The following L3HYPDH variants were observed in gnomAD, a reference collection of about 807,000 sequenced individuals.
L3HYPDH encodes the protein trans-3-hydroxy-L-proline dehydratase.
Under a neutral mutation model 26.5 loss-of-function variants are expected in L3HYPDH, and 32 were observed. The ratio of observed to expected loss-of-function variants is 1.21; its 90% CI spans 0.91 to 1.62. The LOEUF is 1.62. Among genes scored for constraint, L3HYPDH ranks in the 40% most tolerant of loss-of-function variants. The pLI is 0.00. For missense variants in L3HYPDH, 554 were observed against 476.4 expected (o/e 1.16, Z -1.52); for synonymous variants, 215 against 196.6 (o/e 1.09, Z -0.78).
the L3HYPDH span, chr14:59,498,939 T>C: frequency 7.5e-7 from 1 of 1,339,778 alleles, no homozygotes; most frequent in Non-Finnish European, 1.0e-6. Context: ...CAATGAAATA[T>C]ATTTATTATT....
rs1057465899 is a variant in L3HYPDH, at chr14:59,484,061, G to T, written c.256C>A (p.Pro86Thr). The T allele has an allele frequency of 1.2e-6, 2 of 1,606,932 alleles. No individual in the cohort carries two copies. Among genetic ancestry groups the T allele is most frequent in the Admixed American group, 1.7e-5 (1 of 59,932 alleles). ...YGAVLVPSEL[P>T]DAHLGVLFLH... ...AACAGGACGCCCAGATGCGCGTCCG[G>T]CAGCTCGCTCGGGACTAGGACCGCC... The change falls in exon 1 of 5, where the codon CCG (proline) becomes ACG (threonine). Residue 86 changes from proline (P) to threonine (T), a missense_variant. Transcript: ENST00000247194.
At position 59,475,872 on chromosome 14, in the gene L3HYPDH, C is replaced by T; in HGVS notation, c.936G>A (p.Val312=). The T allele has an allele frequency of 6.2e-7, 1 of 1,611,760 alleles. No homozygotes were observed. The highest frequency in any genetic ancestry group is 8.5e-7 in the Non-Finnish European group (1 of 1,179,396). The change falls in exon 4 of 5, where the codon GTG becomes GTA. Residue 312 remains valine (V), a synonymous_variant. Coordinates refer to ENST00000247194, the MANE Select transcript of L3HYPDH (RefSeq NM_144581.2). ...ATGSVFTGKA[V]REAKCGDFKA... ...AGAAGCTAAGGGTGCCACTTACCCT[C>T]ACAGCTTTCCCTGTGAATACTGAGC...
rs763795470 is a variant in L3HYPDH, at chr14:59,472,982, C to T, written c.1048G>A (p.Gly350Arg). 2.5e-6 allele frequency: 4 copies of T among 1,597,958 alleles called. No individual in the cohort carries two copies. The African/African-American group carries it at 5.4e-5, about 22-fold the overall frequency. The change falls in exon 5 of 5, where the codon GGA becomes AGA. Residue 350 changes from glycine to arginine, a missense_variant. By Grantham distance (125) the Gly-to-Arg change is moderately radical (BLOSUM62 -2). Coordinates refer to ENST00000247194, the MANE Select transcript of L3HYPDH (RefSeq NM_144581.2). ...GGAAGAAGTCACTTGAGAAGAAATC[C>T]ATCCCTCAATGGGTCGTCATCTTCT... ...IIEDDDPLRD[G>R]FLLK
chr14:59,485,224 T>C, upstream of L3HYPDH: 1 of 1,209,886 alleles, frequency 8.3e-7, no homozygotes, highest in Non-Finnish European at 1.2e-6. Flanking sequence ...ATTAAGCATC[T>C]ACTAGATGTA....
the L3HYPDH span, among the ~76,000 whole-genome samples, chr14:59,494,121 GGT>G: frequency 0.04 from 5,990 of 151,042 alleles, 155 homozygotes; most frequent in Non-Finnish European, 0.058. Flanking sequence ...AGAAAATTTG[GGT>G]GTGTGTGTGT....
Position 59,484,341 on chromosome 14 carries a change from C to G in L3HYPDH, c.-25G>C. 1.3e-6 allele frequency: 2 copies of G among 1,561,592 alleles called. No individual in the cohort carries two copies. The highest frequency in any genetic ancestry group is 1.2e-5 in the South Asian group (1 of 85,310). Reference sequence around the variant, plus strand: ...TGGTCTGCGTCGGGGGAGACGAGTACGGTCCCGCAGCTATGGCTTCAAGCC... The same window carrying G: ...TGGTCTGCGTCGGGGGAGACGAGTAGGGTCCCGCAGCTATGGCTTCAAGCC... On this transcript the variant is annotated 5_prime_UTR_variant, in exon 1 of 5. Transcript: ENST00000247194.
the L3HYPDH span, chr14:59,495,441 A>C: frequency 2.0e-6 from 1 of 499,268 alleles, no homozygotes; most frequent in Non-Finnish European, 3.6e-6. Flanking sequence ...GTGAGGATTA[A>C]ATTAATCCAC....
At chr14:59,493,022 T>C in the L3HYPDH span, among the ~76,000 whole-genome samples, 21 of 151,972 alleles carry the variant, frequency 1.4e-4, no homozygotes, top group Admixed American at 1.4e-3. Flanking sequence ...ATGGTCTTGA[T>C]TTCCTGACCT....
In L3HYPDH at chr14:59,472,908, C is replaced by A; in HGVS notation, c.*57G>T. 1 of 1,441,860 alleles carries A rather than the reference C, an allele frequency of 6.9e-7. No individual in the cohort carries two copies. Among genetic ancestry groups the A allele is most frequent in the Non-Finnish European group, 9.3e-7 (1 of 1,076,058 alleles). 89.3% of individuals were successfully genotyped at this position (1,441,860 alleles called of 1,614,324 possible). A position where few individuals can be genotyped will look rare whatever the true frequency, so the allele number is the denominator to read the frequency against. Reference sequence around the variant, plus strand: ...TTGTTTTCATATAATTTAGAGAAAACAGTCCTTAAGGATAATGATTACTTT... The same window carrying A: ...TTGTTTTCATATAATTTAGAGAAAAAAGTCCTTAAGGATAATGATTACTTT... On this transcript the variant is annotated 3_prime_UTR_variant, in exon 5 of 5. Coordinates refer to ENST00000247194, the MANE Select transcript of L3HYPDH (RefSeq NM_144581.2).
At chr14:59,499,146 C>T in the L3HYPDH span, among the ~76,000 whole-genome samples, 2 of 149,596 alleles carry the variant, frequency 1.3e-5, no homozygotes, top group African/African-American at 4.9e-5. Context: ...GCCTCAGCCT[C>T]CCAAGTAGCT....
chr14:59,483,574 GCTC>G (rs968366372), intron 1 of L3HYPDH: 1 of 1,416,062 alleles, frequency 7.1e-7, no homozygotes, highest in South Asian at 1.5e-5. Context: ...GCAATTCCTC[GCTC>G]CTCAAGGGTC....
At chr14:59,474,517 A>G (rs1248944353) in intron 4 of L3HYPDH, 1 of 700,412 alleles carries the variant, frequency 1.4e-6, no homozygotes, top group Admixed American at 2.0e-5. Context: ...GATTCTTCTC[A>G]TAACAGCTCC....
chr14:59,487,709 A>G (rs913086836), upstream of L3HYPDH: 12 of 1,613,350 alleles, frequency 7.4e-6, no homozygotes, highest in Non-Finnish European at 1.0e-5. Flanking sequence ...ATGCACAGAA[A>G]TATTGTCAGC....
At chr14:59,491,972 C>T in the L3HYPDH span, among the ~76,000 whole-genome samples, 3 of 152,188 alleles carry the variant, frequency 2.0e-5, no homozygotes, top group Admixed American at 1.3e-4. Context: ...CAATTTAACC[C>T]TGTAAGACTC....
chr14:59,469,107 T>C (rs149167224), downstream of L3HYPDH, among the ~76,000 whole-genome samples: 6 of 152,254 alleles, frequency 3.9e-5, no homozygotes, highest in African/African-American at 9.6e-5. Flanking sequence ...TAGGCCACCA[T>C]TGGAACAGAT....
At chr14:59,473,376 T>C (rs1163302939) in intron 4 of L3HYPDH, among the ~76,000 whole-genome samples, 1 of 152,172 alleles carries the variant, frequency 6.6e-6, no homozygotes, top group East Asian at 1.9e-4. Context: ...TATGGGAGTT[T>C]TCAGTGAAGA....
At chr14:59,495,127 C>G in the L3HYPDH span, 1 of 1,613,284 alleles carries the variant, frequency 6.2e-7, no homozygotes, top group Admixed American at 1.7e-5. Flanking sequence ...TCGTTCATGT[C>G]GAGTATTGAT....
At chr14:59,471,259 T>C (rs965819449), downstream of L3HYPDH, among the ~76,000 whole-genome samples, 1 of 152,188 alleles carries the variant, frequency 6.6e-6, no homozygotes, top group Non-Finnish European at 1.5e-5. Flanking sequence ...GTTCAAGAAA[T>C]ATAACATTCT....
the L3HYPDH span, chr14:59,501,315 C>A: frequency 1.7e-6 from 2 of 1,189,758 alleles, no homozygotes; most frequent in Non-Finnish European, 2.5e-6. Flanking sequence ...ATAAATTTGA[C>A]AATTCAATAT....
Sources: allele counts gnomAD v4.1 joint callset (sites outside exome capture counted in the v4.1 genomes callset), GRCh38; gene constraint gnomAD v4.1.1; transcripts MANE v1.5; gene names NCBI Gene and HGNC (gene_info 2026-07-23, HGNC 2026-07-21).